The following ALDH2 variants were observed in gnomAD, a reference collection of about 807,000 sequenced individuals.
The protein encoded by ALDH2 is aldehyde dehydrogenase, mitochondrial.
A neutral mutation model predicts 59.6 loss-of-function variants in ALDH2; 44 were observed. The ratio of observed to expected loss-of-function variants is 0.74; its 90% CI spans 0.58 to 0.95. The LOEUF (loss-of-function observed/expected upper bound fraction) is 0.95. Ranked by LOEUF, ALDH2 falls within the 40% of genes least tolerant of loss-of-function variation. ALDH2 has a pLI of 0.00. For synonymous variants in ALDH2, 291 were observed against 284.0 expected (o/e 1.02, Z -0.25); for missense variants, 570 against 696.3 (o/e 0.82, Z 2.04).
Position 111,809,571 on chromosome 12 carries a change from C to G in ALDH2, c.1550C>G (p.Ser517Ter). The G allele has an allele frequency of 6.2e-7, 1 of 1,614,154 alleles. No homozygotes were observed. The highest frequency in any genetic ancestry group is 8.5e-7 in the Non-Finnish European group (1 of 1,180,022). The change falls in exon 13 of 13, where the codon TCA (serine) becomes TGA (stop). Residue 517 changes from serine (S) to a stop codon, truncating the protein, a stop_gained. Coordinates refer to ENST00000261733, the MANE Select transcript of ALDH2 (RefSeq NM_000690.4). LOFTEE classifies it high-confidence loss of function. ...TVTVKVPQKN[S>*] ...ACAGTCAAAGTGCCTCAGAAGAACTCATAAGAATCATGCAAGCTTCCTCCC... is the reference window on the plus strand; with the variant it reads ...ACAGTCAAAGTGCCTCAGAAGAACTGATAAGAATCATGCAAGCTTCCTCCC...
At chr12:111,796,183 G>C (rs968237869) in intron 9 of ALDH2, among the ~76,000 whole-genome samples, 1 of 151,876 alleles carries the variant, frequency 6.6e-6, no homozygotes, top group East Asian at 1.9e-4. Flanking sequence ...CTATTTGGGC[G>C]TGGTGGTGGG....
intron 12 of ALDH2, among the ~76,000 whole-genome samples, chr12:111,807,061 T>C (rs2068501246): frequency 1.3e-5 from 2 of 150,194 alleles, no homozygotes; most frequent in East Asian, 4.0e-4. Flanking sequence ...GGTCAGAAGA[T>C]CCAGACCATC....
Position 111,786,690 on chromosome 12 carries a change from C to T in ALDH2, c.440+1344C>T, listed in dbSNP as rs574631228. Among the ~76,000 whole-genome samples the T allele has an allele frequency of 6.6e-5, 10 of 152,040 alleles. No individual in the cohort carries two copies. The East Asian group carries it at 1.8e-3, about 27-fold the overall frequency. On this transcript the variant is annotated intron_variant, in intron 4 of 12. Transcript: ENST00000261733. Reference sequence around the variant, plus strand: ...CCTCCTAAGTAGCTGGGACCACAGGCGTGCATCACCATGCCTGGATACTTT... The same window carrying T: ...CCTCCTAAGTAGCTGGGACCACAGGTGTGCATCACCATGCCTGGATACTTT...
chr12:111,785,593 G>A (rs562608715), intron 4 of ALDH2, among the ~76,000 whole-genome samples: 46 of 151,944 alleles, frequency 3.0e-4, no homozygotes, highest in Non-Finnish European at 5.7e-4. Context: ...GCATGGTGGC[G>A]CACACCTGTA....
At chr12:111,804,027 T>C in intron 12 of ALDH2, 54 bp downstream of exon 12, 3 of 1,285,348 alleles carry the variant, frequency 2.3e-6, no homozygotes, top group South Asian at 2.7e-5. Context: ...GAGGGTCTGC[T>C]GGTGGCTCGG....
At chr12:111,802,867 G>A (rs1381596855) in intron 11 of ALDH2, among the ~76,000 whole-genome samples, 4 of 139,022 alleles carry the variant, frequency 2.9e-5, no homozygotes, top group East Asian at 2.4e-4. Flanking sequence ...GCGACGGAGC[G>A]AGACTCTGTC....
At chr12:111,792,350 C>G (rs1308821799) in intron 8 of ALDH2, among the ~76,000 whole-genome samples, 187 bp downstream of exon 8, 1 of 152,264 alleles carries the variant, frequency 6.6e-6, no homozygotes, top group Admixed American at 6.5e-5. Context: ...CTCTCCCTGG[C>G]TGCTCTCTGC....
intron 1 of ALDH2, among the ~76,000 whole-genome samples, chr12:111,774,065 A>T (rs1253344533): frequency 1.3e-5 from 2 of 152,256 alleles, no homozygotes; most frequent in East Asian, 3.8e-4. Context: ...AGAGGTTGCC[A>T]AACCGTAAGC....
intron 11 of ALDH2, among the ~76,000 whole-genome samples, chr12:111,803,098 T>G (rs2068467353): frequency 4.0e-5 from 6 of 151,440 alleles, no homozygotes; most frequent in Admixed American, 2.6e-4. Flanking sequence ...GGCTGGAGAT[T>G]CGCTTGAACC....
chr12:111,793,736 C>T (rs2068380480), intron 9 of ALDH2, among the ~76,000 whole-genome samples: 1 of 151,530 alleles, frequency 6.6e-6, no homozygotes, highest in Admixed American at 6.6e-5. Flanking sequence ...CAGGTGCGCA[C>T]CACCACGCCT....
At chr12:111,803,560 T>C (rs573214521) in intron 11 of ALDH2, among the ~76,000 whole-genome samples, 122 of 151,812 alleles carry the variant, frequency 8.0e-4, no homozygotes, top group Non-Finnish European at 1.6e-3. Context: ...GGTAACATAA[T>C]CAGACCCTGT....
intron 10 of ALDH2, among the ~76,000 whole-genome samples, chr12:111,799,435 G>T (rs1353178525): frequency 1.3e-5 from 2 of 151,880 alleles, no homozygotes; most frequent in Non-Finnish European, 2.9e-5. Flanking sequence ...CCAAAATGCT[G>T]GGATTACAGG....
At chr12:111,808,532 C>T (rs1453142848) in intron 12 of ALDH2, among the ~76,000 whole-genome samples, 2 of 152,020 alleles carry the variant, frequency 1.3e-5, no homozygotes, top group African/African-American at 2.4e-5. Context: ...AGGTGAAATC[C>T]CTTCTCTACT....
intron 1 of ALDH2, 27 bp from the exon 2 acceptor site, chr12:111,781,891 T>G: frequency 1.9e-6 from 3 of 1,575,188 alleles, no homozygotes; most frequent in Non-Finnish European, 2.6e-6. Context: ...CAGCTGGTCC[T>G]GAGAACTTCT....
rs768044419 is a variant in ALDH2, at chr12:111,792,138, CA to C, written c.875del (p.Asn292ThrfsTer119). ...CCTTGGAGCTGGGGGGGAAGAGCCC[CA>C]ACATCATCATGTCAGATGCCGATAG... Reference protein sequence around the residue: ...VTLELGGKSPNIIMSDADMDW... With the variant: ...VTLELGGKSPXIIMSDADMDW... On this transcript the variant is annotated frameshift_variant, in exon 8 of 13. Coordinates refer to ENST00000261733, the MANE Select transcript of ALDH2 (RefSeq NM_000690.4). LOFTEE classifies it high-confidence loss of function. 6.2e-7 allele frequency: 1 copy of C among 1,607,284 alleles called. No homozygotes were observed. The highest frequency in any genetic ancestry group is 1.1e-5 in the South Asian group (1 of 90,054).
At chr12:111,773,576 G>A (rs557653692) in intron 1 of ALDH2, among the ~76,000 whole-genome samples, 1 of 152,324 alleles carries the variant, frequency 6.6e-6, no homozygotes, top group South Asian at 2.1e-4. Flanking sequence ...AGGAAACTGA[G>A]GCTCAGGGAG....
intron 1 of ALDH2, among the ~76,000 whole-genome samples, chr12:111,772,179 C>G (rs1434791488): frequency 6.6e-6 from 1 of 152,034 alleles, no homozygotes; most frequent in East Asian, 1.9e-4. Context: ...ATATAATGGT[C>G]CCCTGATGTG....
intron 1 of ALDH2, among the ~76,000 whole-genome samples, chr12:111,772,392 TCTCA>T (rs2068205668): frequency 1.3e-5 from 2 of 152,142 alleles, no homozygotes; most frequent in South Asian, 2.1e-4. Context: ...TGAGATGTAG[TCTCA>T]CTCTGTCGCC....
chr12:111,798,059 TG>T lies in ALDH2; in HGVS notation c.1084-16del. 1 of 1,614,124 alleles carries T rather than the reference TG, an allele frequency of 6.2e-7. No homozygotes were observed. The highest frequency in any genetic ancestry group is 8.5e-7 in the Non-Finnish European group (1 of 1,180,008). ...TCTGAATCCGATGTCTCCATAACTC[TG>T]GGTTCCTTCTCCCACAGGTGGATGA... On this transcript the variant is annotated intron_variant, in intron 9 of 12. Transcript: ENST00000261733.
Sources: gnomAD v4.1 joint callset for allele counts (sites outside exome capture counted in the v4.1 genomes callset) on GRCh38, gnomAD v4.1.1 for gene constraint, MANE v1.5 for transcripts, NCBI Gene and HGNC (gene_info 2026-07-23, HGNC 2026-07-21) for gene names.